WWC2: variants seen among roughly 807,000 people sequenced by gnomAD.
The protein encoded by WWC2 is WW and C2 domain containing 2.
WWC2 carries 101 observed loss-of-function variants against 138.5 expected under a neutral mutation model. That is an observed-to-expected ratio of 0.73 (90% CI 0.62 to 0.86). The LOEUF (loss-of-function observed/expected upper bound fraction) is 0.86, where lower values mean the gene tolerates loss of function less well. Among genes scored for constraint, WWC2 ranks in the 40% least tolerant of loss-of-function variants. WWC2 has a pLI of 0.00. For missense variants in WWC2, 1,420 were observed against 1,419.4 expected (o/e 1.00, Z -0.01); for synonymous variants, 558 against 538.4 (o/e 1.04, Z -0.50).
At chr4:183,252,826 G>T (rs1737019962) in intron 8 of WWC2, among the ~76,000 whole-genome samples, 1 of 152,136 alleles carries the variant, frequency 6.6e-6, no homozygotes, top group South Asian at 2.1e-4. Flanking sequence ...AACGGGAGAA[G>T]GCCAAGCCCT....
intron 14 of WWC2, among the ~76,000 whole-genome samples, chr4:183,268,027 A>G (rs1257813948): frequency 2.0e-5 from 3 of 152,242 alleles, no homozygotes; most frequent in Non-Finnish European, 4.4e-5. Flanking sequence ...AGGCTCTTTA[A>G]TCAACAGCAG....
chr4:183,223,363 A>G (rs553957720), intron 4 of WWC2, among the ~76,000 whole-genome samples: 2 of 152,242 alleles, frequency 1.3e-5, no homozygotes, highest in Non-Finnish European at 2.9e-5. Context: ...ACTAAACAAT[A>G]TACATGAGTA....
intron 1 of WWC2, among the ~76,000 whole-genome samples, chr4:183,114,844 G>A (rs146690103): frequency 4.9e-4 from 75 of 152,086 alleles, no homozygotes; most frequent in Non-Finnish European, 8.5e-4. Context: ...TTATTTTTGA[G>A]CCAGTCTCAT....
intron 1 of WWC2, among the ~76,000 whole-genome samples, chr4:183,107,830 G>A (rs1310926532): frequency 2.0e-5 from 3 of 151,412 alleles, no homozygotes; most frequent in Non-Finnish European, 4.4e-5. Flanking sequence ...GATAAGATTT[G>A]GTCCCAGCTC....
At chr4:183,280,741 A>T in intron 16 of WWC2, 35 bp from the exon 17 acceptor site, 1 of 1,571,408 alleles carries the variant, frequency 6.4e-7, no homozygotes. Context: ...TTTCAAGTAT[A>T]TTATGTTAAT....
chr4:183,163,361 T>A (rs903770624), intron 1 of WWC2, among the ~76,000 whole-genome samples: 3 of 152,198 alleles, frequency 2.0e-5, no homozygotes, highest in African/African-American at 7.2e-5. Flanking sequence ...CTGAGAAATC[T>A]GTTCTTTCAT....
intron 1 of WWC2, among the ~76,000 whole-genome samples, chr4:183,152,247 C>T (rs1192020684): frequency 6.6e-6 from 1 of 152,062 alleles, no homozygotes; most frequent in African/African-American, 2.4e-5. Context: ...TGCCTGTAAT[C>T]CCAGCACTTT....
At chr4:183,256,030 G>A (rs980556318) in intron 9 of WWC2, among the ~76,000 whole-genome samples, 12 of 151,992 alleles carry the variant, frequency 7.9e-5, no homozygotes, top group Non-Finnish European at 1.8e-4. Context: ...TAAGTGGTGT[G>A]GATATGATAC....
At chr4:183,268,419 G>A (rs1737577853) in intron 14 of WWC2, among the ~76,000 whole-genome samples, 1 of 152,178 alleles carries the variant, frequency 6.6e-6, no homozygotes. Context: ...GGAGATGCTA[G>A]ACAGTGATAT....
At chr4:183,225,067 T>C (rs1580076796) in intron 4 of WWC2, among the ~76,000 whole-genome samples, 1 of 131,518 alleles carries the variant, frequency 7.6e-6, no homozygotes, top group African/African-American at 4.4e-5. Context: ...TGTTTTTGAC[T>C]TTTTTTTTGC....
At chr4:183,139,354 T>C (rs1215227082) in intron 1 of WWC2, among the ~76,000 whole-genome samples, 1 of 152,178 alleles carries the variant, frequency 6.6e-6, no homozygotes, top group Non-Finnish European at 1.5e-5. Flanking sequence ...AACTTCAGAC[T>C]CTATAATGGC....
intron 5 of WWC2, among the ~76,000 whole-genome samples, chr4:183,244,422 TA>T (rs1385336856): frequency 6.6e-6 from 1 of 152,198 alleles, no homozygotes; most frequent in Non-Finnish European, 1.5e-5. Flanking sequence ...TCTGCAGGGA[TA>T]ATAAATTAGC....
At chr4:183,194,084 G>A (rs753486410) in intron 2 of WWC2, among the ~76,000 whole-genome samples, 9 of 152,196 alleles carry the variant, frequency 5.9e-5, no homozygotes, top group African/African-American at 2.2e-4. Flanking sequence ...AGACTTGGGC[G>A]TTGGCACAAT....
intron 22 of WWC2, among the ~76,000 whole-genome samples, chr4:183,314,813 C>G (rs1739379611): frequency 6.6e-6 from 1 of 152,204 alleles, no homozygotes; most frequent in African/African-American, 2.4e-5. Flanking sequence ...GGACACTGTT[C>G]ACAGCAGTAG....
intron 21 of WWC2, among the ~76,000 whole-genome samples, chr4:183,297,122 AC>A (rs764490752): frequency 7.0e-4 from 107 of 151,856 alleles, no homozygotes; most frequent in Non-Finnish European, 1.2e-3. Flanking sequence ...CCACAGGCAG[AC>A]ACCACCACAC....
chr4:183,119,694 C>T (rs1648976569), intron 1 of WWC2, among the ~76,000 whole-genome samples: 1 of 152,118 alleles, frequency 6.6e-6, no homozygotes, highest in African/African-American at 2.4e-5. Context: ...TTTAAAAACA[C>T]AGATATAACT....
chr4:183,126,069 G>A (rs56187013), intron 1 of WWC2, among the ~76,000 whole-genome samples: 4,715 of 152,300 alleles, frequency 0.031, 87 homozygotes, highest in Non-Finnish European at 0.037. Flanking sequence ...TGTGCCTTAG[G>A]ACCCTGGCTC....
At position 183,099,448 on chromosome 4, in the gene WWC2, C is replaced by A; in HGVS notation, c.-44C>A. On this transcript the variant is annotated 5_prime_UTR_variant, in exon 1 of 23. Transcript: ENST00000403733. ...AGCCGCGTTCCCGCCGCGTCCCGCG[C>A]CCGGTACCTATGGAGGCGCCGCTCG... The A allele has an allele frequency of 8.2e-7, 1 of 1,222,262 alleles. No homozygotes were observed. Among genetic ancestry groups the A allele is most frequent in the South Asian group, 3.4e-5 (1 of 29,332 alleles). 75.7% of individuals were successfully genotyped at this position (1,222,262 alleles called of 1,614,324 possible).
intron 2 of WWC2, among the ~76,000 whole-genome samples, chr4:183,203,087 T>A (rs991388473): frequency 6.6e-6 from 1 of 152,206 alleles, no homozygotes; most frequent in Non-Finnish European, 1.5e-5. Context: ...ACAGGGTTTA[T>A]GATCTTAACT....
Sources: gnomAD v4.1 joint callset for allele counts (sites outside exome capture counted in the v4.1 genomes callset) on GRCh38, gnomAD v4.1.1 for gene constraint, MANE v1.5 for transcripts, NCBI Gene and HGNC (gene_info 2026-07-23, HGNC 2026-07-21) for gene names.